SPIRE2: variants seen among roughly 807,000 people sequenced by gnomAD.
SPIRE2 encodes the protein protein spire homolog 2.
SPIRE2 carries 76 observed loss-of-function variants against 80.7 expected under a neutral mutation model. The ratio of observed to expected loss-of-function variants is 0.94; its 90% CI spans 0.78 to 1.14. The LOEUF (loss-of-function observed/expected upper bound fraction) is 1.14, where lower values mean the gene tolerates loss of function less well. Among genes scored for constraint, SPIRE2 ranks in the 50% most tolerant of loss-of-function variants. The pLI is 0.00. For missense variants in SPIRE2, 1,196 were observed against 1,015.3 expected, an observed-to-expected ratio of 1.18 and a Z score of -2.42; for synonymous variants, 535 against 432.6, an observed-to-expected ratio of 1.24 and a Z score of -2.94.
chr16:89,858,624 G>A (rs1259787603), intron 8 of SPIRE2, 117 bp downstream of exon 8: 1 of 1,009,320 alleles, frequency 9.9e-7, no homozygotes, highest in Non-Finnish European at 1.4e-6. Context: ...TCCTGTCCAG[G>A]AGCCCTCCCT....
At chr16:89,841,026 A>G (rs1300829695) in intron 1 of SPIRE2, among the ~76,000 whole-genome samples, 2 of 151,972 alleles carry the variant, frequency 1.3e-5, no homozygotes, top group African/African-American at 4.8e-5. Flanking sequence ...ATTTTACACA[A>G]AAGAAATCTG....
At chr16:89,851,217 G>C (rs1360041249) in intron 3 of SPIRE2, among the ~76,000 whole-genome samples, 1 of 152,116 alleles carries the variant, frequency 6.6e-6, no homozygotes, top group African/African-American at 2.4e-5. Context: ...CTCCCAGCGC[G>C]CATTATTCTC....
At chr16:89,846,124 C>T (rs1032375505) in intron 2 of SPIRE2, 1 of 155,334 alleles carries the variant, frequency 6.4e-6, no homozygotes, top group African/African-American at 2.4e-5. Flanking sequence ...GTCTTGATGT[C>T]CTGACCTTGT....
intron 1 of SPIRE2, among the ~76,000 whole-genome samples, chr16:89,834,394 G>A (rs569042837): frequency 3.0e-5 from 4 of 134,622 alleles, no homozygotes; most frequent in East Asian, 2.1e-4. Flanking sequence ...AGCATAGCCC[G>A]TGTGAATCTG....
rs924441115 is a variant in SPIRE2 at position 89,863,573 on chromosome 16, A to G, written c.1673A>G (p.Gln558Arg). The change falls in exon 11 of 15, where the codon CAG becomes CGG. Residue 558 changes from glutamine to arginine, a missense_variant. Transcript: ENST00000378247. The surrounding 1 kb of genome is among the most constrained non-coding windows in gnomAD (Gnocchi z 4.3). ...AAGGCCGAGATGGAAAAGTTTTTGCAGAACAAGGAGCTCTTCAGCAGTCTG... is the reference window on the plus strand; with the variant it reads ...AAGGCCGAGATGGAAAAGTTTTTGCGGAACAAGGAGCTCTTCAGCAGTCTG... ...LVKAEMEKFL[Q>R]NKELFSSLKK... 9 of 1,614,008 alleles carry G rather than the reference A, an allele frequency of 5.6e-6. No individual in the cohort carries two copies. The African/African-American group carries it at 8.0e-5, about 14-fold the overall frequency.
rs1419144255 is a variant in SPIRE2 at position 89,854,565 on chromosome 16, C to A, written c.805C>A (p.Pro269Thr). ...LKKVQEQEFN[P>T]LPTEFQLTPF... The stretch of plus-strand genomic sequence containing the variant: ...GAAGGTGCAAGAGCAGGAGTTCAAC[C>A]CCCTCCCCACCGAGTTCCAGCTCAC... The change falls in exon 5 of 15, where the codon CCC becomes ACC. Residue 269 changes from proline (P) to threonine (T), a missense_variant. Pro to Thr is a conservative substitution (Grantham distance 38). Transcript: ENST00000378247. 10 of 1,612,752 alleles carry A rather than the reference C, an allele frequency of 6.2e-6. No individual in the cohort carries two copies. Among genetic ancestry groups the A allele is most frequent in the Middle Eastern group, 3.3e-4 (2 of 6,060 alleles).
At chr16:89,862,053 G>T (rs913314298) in intron 10 of SPIRE2, 4 of 151,028 alleles carry the variant, frequency 2.6e-5, no homozygotes, top group African/African-American at 9.8e-5. Flanking sequence ...GCCCAGGCTG[G>T]AGTGCAGTGG....
chr16:89,858,124 A>T (rs1937138841), intron 7 of SPIRE2, among the ~76,000 whole-genome samples: 1 of 151,510 alleles, frequency 6.6e-6, no homozygotes, highest in Admixed American at 6.6e-5. Flanking sequence ...TGACCTCGTG[A>T]TCCACCCGCC....
At chr16:89,840,894 C>G (rs1392338761) in intron 1 of SPIRE2, among the ~76,000 whole-genome samples, 1 of 152,056 alleles carries the variant, frequency 6.6e-6, no homozygotes, top group Non-Finnish European at 1.5e-5. Flanking sequence ...GCCTCGGCCT[C>G]CCAAAGTGCT....
At position 89,845,247 on chromosome 16, in the gene SPIRE2, G is replaced by A. The variant is rs2041546750; in HGVS notation, c.245-75G>A. 1.5e-6 allele frequency: 2 copies of A among 1,318,354 alleles called. 1 individual carries two copies. Among genetic ancestry groups the A allele is most frequent in the South Asian group, 2.4e-5 (2 of 85,104 alleles). The allele number at this position is 1,318,354 out of a possible 1,614,324, so 81.7% of individuals were successfully genotyped here. ...GGCTGTGGTGTGTGTCCCCGAGGGG[G>A]AGGTGGGGGGACAGCAGTGTTTATT... is the stretch of plus-strand genomic sequence containing the variant. On this transcript the variant is annotated intron_variant, in intron 1 of 14. Coordinates refer to ENST00000378247, the MANE Select transcript of SPIRE2 (RefSeq NM_032451.2).
chr16:89,857,321 A>G (rs993321813), intron 7 of SPIRE2, among the ~76,000 whole-genome samples: 3 of 151,510 alleles, frequency 2.0e-5, no homozygotes, highest in Non-Finnish European at 2.9e-5. Context: ...TTTTTTGTAG[A>G]GACAGGGTCT....
At chr16:89,867,419 A>C (rs1164793949) in intron 12 of SPIRE2, among the ~76,000 whole-genome samples, 2 of 152,156 alleles carry the variant, frequency 1.3e-5, no homozygotes, top group East Asian at 3.9e-4. Flanking sequence ...CTGGGATTAC[A>C]GGCGTGAGGC....
chr16:89,832,810 C>G (rs1254520095), intron 1 of SPIRE2, among the ~76,000 whole-genome samples: 2 of 151,960 alleles, frequency 1.3e-5, no homozygotes, highest in Non-Finnish European at 2.9e-5. Flanking sequence ...TGATGAAGGG[C>G]CCTGTTTTTG....
intron 5 of SPIRE2, among the ~76,000 whole-genome samples, chr16:89,855,105 A>T (rs1456217851): frequency 2.0e-5 from 3 of 152,002 alleles, no homozygotes; most frequent in African/African-American, 7.2e-5. Context: ...CGCCTGGCTA[A>T]TTTTTTGTAT....
chr16:89,829,830 TGGCACTC>T (rs2041362441), intron 1 of SPIRE2, among the ~76,000 whole-genome samples: 1 of 151,462 alleles, frequency 6.6e-6, no homozygotes, highest in Admixed American at 6.6e-5. Flanking sequence ...AGGCTTGCGC[TGGCACTC>T]AGACAGTGGC....
Position 89,850,449 on chromosome 16 carries a change from C to A in SPIRE2, c.434C>A (p.Ala145Asp). 6.4e-7 allele frequency: 1 copy of A among 1,569,662 alleles called. No individual in the cohort carries two copies. The highest frequency in any genetic ancestry group is 2.3e-5 in the East Asian group (1 of 43,608). Residue 145 changes from alanine (A) to aspartate (D), a missense_variant, in exon 3 of 15, where the codon GCC becomes GAC. Coordinates refer to ENST00000378247, the MANE Select transcript of SPIRE2 (RefSeq NM_032451.2). ...NDSEDSGCGA[A>D]DEGYGGPEEE... The stretch of plus-strand genomic sequence containing the variant: ...AGCGAGGACAGCGGCTGCGGTGCCG[C>A]CGATGAGGGCTACGGGGGTCCCGAG...
chr16:89,862,265 A>G (rs2041751902), intron 10 of SPIRE2: 1 of 151,832 alleles, frequency 6.6e-6, no homozygotes, highest in South Asian at 2.1e-4. Flanking sequence ...GGCCTCCCAA[A>G]GTGCTGGGAC....
intron 6 of SPIRE2, 70 bp downstream of exon 6, chr16:89,855,756 G>C: frequency 6.7e-7 from 1 of 1,486,448 alleles, no homozygotes; most frequent in South Asian, 1.2e-5. Flanking sequence ...CAGCCTGGGA[G>C]GTGTCCCAGC....
chr16:89,838,863 G>A (rs374687155), intron 1 of SPIRE2, among the ~76,000 whole-genome samples: 1 of 151,798 alleles, frequency 6.6e-6, no homozygotes, highest in African/African-American at 2.4e-5. Context: ...CCGCACAAAG[G>A]GCTCTTGTTC....
Sources: gnomAD v4.1 joint callset for allele counts (sites outside exome capture counted in the v4.1 genomes callset) on GRCh38, gnomAD v4.1.1 for gene constraint, Gnocchi (gnomAD v3.1) non-coding constraint, MANE v1.5 for transcripts, NCBI Gene and HGNC (gene_info 2026-07-23, HGNC 2026-07-21) for gene names.